The following SUSD3 variants were observed in gnomAD, a reference collection of about 807,000 sequenced individuals.
SUSD3 encodes sushi domain-containing protein 3.
A neutral mutation model predicts 20.6 loss-of-function variants in SUSD3; 18 were observed. The ratio of observed to expected loss-of-function variants is 0.87; its 90% CI spans 0.60 to 1.30. SUSD3 has a LOEUF of 1.30. Among genes scored for constraint, SUSD3 ranks in the 50% most tolerant of loss-of-function variants. SUSD3 has a pLI of 0.00. For missense variants in SUSD3, 306 were observed against 346.9 expected, an observed-to-expected ratio of 0.88 and a Z score of 0.94; for synonymous variants, 137 against 141.5, an observed-to-expected ratio of 0.97 and a Z score of 0.23.
chr9:93,070,597 T>G (rs1189874165), intron 1 of SUSD3, among the ~76,000 whole-genome samples: 1 of 152,196 alleles, frequency 6.6e-6, no homozygotes, highest in Non-Finnish European at 1.5e-5. Flanking sequence ...AGACAGTTCT[T>G]CCAAGGACAT....
At chr9:93,062,932 G>A (rs547853442) in intron 1 of SUSD3, among the ~76,000 whole-genome samples, 4 of 152,086 alleles carry the variant, frequency 2.6e-5, no homozygotes, top group East Asian at 1.9e-4. Context: ...TGAATCCTAC[G>A]GAATCCTGGC....
intron 1 of SUSD3, among the ~76,000 whole-genome samples, chr9:93,067,478 T>C (rs1487125600): frequency 1.3e-5 from 2 of 152,250 alleles, no homozygotes; most frequent in Admixed American, 6.5e-5. Context: ...AATTCTGTGC[T>C]TAACTGTGTG....
intron 1 of SUSD3, among the ~76,000 whole-genome samples, chr9:93,065,401 C>T (rs1485050097): frequency 5.3e-5 from 8 of 152,230 alleles, no homozygotes; most frequent in Non-Finnish European, 1.0e-4. Context: ...CTCAACCAGG[C>T]GCTGTTGTGG....
At chr9:93,065,781 C>T (rs1825686657) in intron 1 of SUSD3, among the ~76,000 whole-genome samples, 1 of 152,262 alleles carries the variant, frequency 6.6e-6, no homozygotes, top group African/African-American at 2.4e-5. Context: ...GCTGCCAGTC[C>T]TCCATTCCTT....
chr9:93,068,656 T>G (rs1054959226), intron 1 of SUSD3, among the ~76,000 whole-genome samples: 1 of 152,250 alleles, frequency 6.6e-6, no homozygotes, highest in African/African-American at 2.4e-5. Context: ...CTAGGTCTTT[T>G]GCATTTCCAT....
intron 1 of SUSD3, among the ~76,000 whole-genome samples, chr9:93,065,187 A>G: frequency 6.6e-6 from 1 of 152,094 alleles, no homozygotes; most frequent in Non-Finnish European, 1.5e-5. Flanking sequence ...TTTCTTTTGA[A>G]CGTGCAGCAG....
intron 4 of SUSD3, among the ~76,000 whole-genome samples, chr9:93,083,441 G>A (rs575307932): frequency 1.3e-5 from 2 of 152,346 alleles, no homozygotes; most frequent in East Asian, 3.9e-4. Flanking sequence ...CTCCATAGGT[G>A]GTAAATTGCC....
intron 1 of SUSD3, among the ~76,000 whole-genome samples, chr9:93,064,638 T>C (rs991637216): frequency 1.1e-4 from 16 of 152,158 alleles, no homozygotes; most frequent in African/African-American, 3.4e-4. Flanking sequence ...ACCTCAGACA[T>C]GGCTAGTCAT....
chr9:93,084,510 G>A, intron 4 of SUSD3, 27 bp from the exon 5 acceptor site: 1 of 1,547,038 alleles, frequency 6.5e-7, no homozygotes. Flanking sequence ...ACACTCTTTT[G>A]CCAACTCATG....
intron 1 of SUSD3, among the ~76,000 whole-genome samples, chr9:93,067,503 A>G (rs1825761331): frequency 2.0e-5 from 3 of 152,074 alleles, no homozygotes; most frequent in Admixed American, 1.3e-4. Context: ...ACCACCGGAC[A>G]GTTTTCCAAA....
At position 93,084,962 on chromosome 9, in the gene SUSD3, G is replaced by A. The variant is rs757298391; in HGVS notation, c.*215G>A. The A allele has an allele frequency of 6.7e-5, 29 of 433,742 alleles. 1 individual carries two copies. The highest frequency in any genetic ancestry group is 3.1e-4 in the Admixed American group (7 of 22,694). 26.9% of individuals were successfully genotyped at this position (433,742 alleles called of 1,614,324 possible). ...TGTTCTGTTCCGGCATATCCTGGCC[G>A]TAACGATTTTTATAGTTATGGACTA... On this transcript the variant is annotated 3_prime_UTR_variant, in exon 5 of 5. Transcript: ENST00000375472.
chr9:93,072,562 G>A (rs570485581), intron 1 of SUSD3, among the ~76,000 whole-genome samples: 71 of 152,330 alleles, frequency 4.7e-4, no homozygotes, highest in African/African-American at 1.7e-3. Flanking sequence ...CTGGGGCAAG[G>A]GGTGGTGTGA....
rs755641440 is a variant in SUSD3 at position 93,079,613 on chromosome 9, G to A, written c.557+11G>A. ...CCACAGCTTCACCACGTGAGCCCGG[G>A]TCTGGGTAGGGGACATGCTGGGGGA... On this transcript the variant is annotated intron_variant, in intron 4 of 4. Transcript: ENST00000375472. 1.2e-6 allele frequency: 2 copies of A among 1,613,186 alleles called. No individual in the cohort carries two copies. The highest frequency in any genetic ancestry group is 1.7e-5 in the Admixed American group (1 of 60,012).
intron 1 of SUSD3, among the ~76,000 whole-genome samples, chr9:93,062,946 G>A (rs1272551756): frequency 6.6e-6 from 1 of 152,186 alleles, no homozygotes; most frequent in Non-Finnish European, 1.5e-5. Context: ...TCCTGGCTGT[G>A]AGTTCGCTGT....
At chr9:93,059,244 G>A (rs960007876) in intron 1 of SUSD3, among the ~76,000 whole-genome samples, 3 of 152,274 alleles carry the variant, frequency 2.0e-5, no homozygotes, top group African/African-American at 7.2e-5. Flanking sequence ...CCCTCTCTGC[G>A]CCTGAGGGAG....
intron 1 of SUSD3, among the ~76,000 whole-genome samples, chr9:93,066,998 A>G (rs1477465085): frequency 4.6e-5 from 7 of 152,090 alleles, no homozygotes; most frequent in Non-Finnish European, 1.0e-4. Context: ...GTGAGCCACC[A>G]TACCCAGCCA....
At chr9:93,063,880 A>G (rs975470394) in intron 1 of SUSD3, among the ~76,000 whole-genome samples, 9 of 152,180 alleles carry the variant, frequency 5.9e-5, no homozygotes, top group African/African-American at 2.2e-4. Context: ...CCCACCAGGC[A>G]CCATCCTTCT....
Position 93,084,606 on chromosome 9 carries a change from C to T in SUSD3, c.627C>T (p.Pro209=), listed in dbSNP as rs913196537. 1 of 1,610,174 alleles carries T rather than the reference C, an allele frequency of 6.2e-7. No homozygotes were observed. Among genetic ancestry groups the T allele is most frequent in the South Asian group, 1.1e-5 (1 of 90,080 alleles). The change falls in exon 5 of 5, where the codon CCC becomes CCT. Residue 209 remains proline (P), a synonymous_variant. Coordinates refer to ENST00000375472, the MANE Select transcript of SUSD3 (RefSeq NM_145006.4). ...TRSVDKDPGI[P]RALSLSGSSS... The stretch of plus-strand genomic sequence containing the variant: ...GCGTGGACAAGGACCCTGGGATCCC[C>T]AGAGCTCTAAGCCTCAGTGGCTCCT...
chr9:93,076,978 T>A (rs1173250322), intron 2 of SUSD3, among the ~76,000 whole-genome samples: 1 of 152,242 alleles, frequency 6.6e-6, no homozygotes, highest in Non-Finnish European at 1.5e-5. Context: ...ACTTCTTATC[T>A]TCCACTGGCC....
Sources: allele counts gnomAD v4.1 joint callset (sites outside exome capture counted in the v4.1 genomes callset), GRCh38; gene constraint gnomAD v4.1.1; transcripts MANE v1.5; gene names NCBI Gene and HGNC (gene_info 2026-07-23, HGNC 2026-07-21).